Variants in KIF26B observed in about 807,000 individuals in gnomAD.
KIF26B encodes the protein kinesin-like protein KIF26B.
Under a neutral mutation model 151.2 loss-of-function variants are expected in KIF26B, and 63 were observed. The ratio of observed to expected loss-of-function variants is 0.42; its 90% CI spans 0.34 to 0.51. The LOEUF (loss-of-function observed/expected upper bound fraction) is 0.51. Ranked by LOEUF, KIF26B falls within the 20% of genes least tolerant of loss-of-function variation. The pLI is 0.07. For synonymous variants in KIF26B, 1,357 were observed against 1,262.1 expected (o/e 1.08, Z -1.59); for missense variants, 2,813 against 2,913.6 (o/e 0.97, Z 0.79).
chr1:245,558,166 C>T (rs1662081564), intron 5 of KIF26B, among the ~76,000 whole-genome samples: 1 of 152,192 alleles, frequency 6.6e-6, no homozygotes, highest in African/African-American at 2.4e-5. Flanking sequence ...CACGGCCACC[C>T]TGCCTCCATT....
chr1:245,255,403 T>G (rs1670514483), intron 2 of KIF26B, among the ~76,000 whole-genome samples: 1 of 152,180 alleles, frequency 6.6e-6, no homozygotes, highest in South Asian at 2.1e-4. Flanking sequence ...ACATTCCTGT[T>G]GAGATTCCTG....
At position 245,166,679 on chromosome 1, in the gene KIF26B, C is replaced by T. The variant is rs945951; in HGVS notation, c.465+9996C>T. On this transcript the variant is annotated intron_variant, in intron 2 of 14. Coordinates refer to ENST00000407071, the MANE Select transcript of KIF26B (RefSeq NM_018012.4). The surrounding 1 kb of genome is among the most constrained non-coding windows in gnomAD (Gnocchi z 4.5). ...ATCTGAGCCGCACCAGGAATTTGGG[C>T]TTATCTGCCTTCCAATCCAGCTTTA... 0.86 allele frequency among the ~76,000 whole-genome samples: 130,312 copies of T among 152,138 alleles called. 56,712 individuals carry two copies. The highest frequency in any genetic ancestry group is 0.94 in the South Asian group (4,502 of 4,810).
At chr1:245,414,320 A>T (rs72761173) in intron 3 of KIF26B, among the ~76,000 whole-genome samples, 2 of 152,102 alleles carry the variant, frequency 1.3e-5, no homozygotes. Flanking sequence ...CAAGAGGAAA[A>T]GTGCTGTTGA....
intron 3 of KIF26B, among the ~76,000 whole-genome samples, chr1:245,374,739 T>C: frequency 6.6e-6 from 1 of 152,208 alleles, no homozygotes; most frequent in East Asian, 1.9e-4. Flanking sequence ...TGTATCTTTA[T>C]GCTTTTTGAC....
intron 2 of KIF26B, among the ~76,000 whole-genome samples, chr1:245,181,931 A>G (rs1162437072): frequency 6.6e-6 from 1 of 152,194 alleles, no homozygotes; most frequent in Non-Finnish European, 1.5e-5. Flanking sequence ...TTGTTCAGTT[A>G]GGAATCTGAG....
chr1:245,187,039 T>TAGAG (rs993410799), intron 2 of KIF26B, among the ~76,000 whole-genome samples: 5 of 152,114 alleles, frequency 3.3e-5, no homozygotes, highest in Admixed American at 1.3e-4. Flanking sequence ...GTATTTTTAG[T>TAGAG]AGAGACAGGG....
At chr1:245,567,009 C>T (rs6690829) in intron 5 of KIF26B, among the ~76,000 whole-genome samples, 40,112 of 152,092 alleles carry the variant, frequency 0.26, 5,442 homozygotes, top group African/African-American at 0.3. Flanking sequence ...CGGGCTTAAA[C>T]TGCAGAGTGC....
chr1:245,391,757 T>C (rs1313279809), intron 3 of KIF26B, among the ~76,000 whole-genome samples: 1 of 152,020 alleles, frequency 6.6e-6, no homozygotes, highest in African/African-American at 2.4e-5. Flanking sequence ...TTTCATACAA[T>C]ATTTATGCCA....
intron 5 of KIF26B, among the ~76,000 whole-genome samples, chr1:245,573,473 A>T (rs997250824): frequency 3.2e-4 from 49 of 152,296 alleles, no homozygotes; most frequent in Admixed American, 5.9e-4. Context: ...CAGTGACCCA[A>T]GATCGAGCCA....
chr1:245,535,756 C>A (rs1399361388), intron 4 of KIF26B, among the ~76,000 whole-genome samples: 1 of 152,196 alleles, frequency 6.6e-6, no homozygotes, highest in Non-Finnish European at 1.5e-5. Flanking sequence ...TATTCAGATA[C>A]AATACGGTAC....
intron 2 of KIF26B, among the ~76,000 whole-genome samples, chr1:245,275,715 G>A (rs1670925243): frequency 6.6e-6 from 1 of 152,102 alleles, no homozygotes; most frequent in African/African-American, 2.4e-5. Context: ...ATAGTATTCT[G>A]TATTTGTCTA....
chr1:245,609,635 C>T (rs992866182), intron 8 of KIF26B, 107 bp downstream of exon 8: 84 of 1,228,162 alleles, frequency 6.8e-5, no homozygotes, highest in Non-Finnish European at 8.8e-5. Context: ...CAGAGGCTTA[C>T]GGGTGTTTAC....
chr1:245,158,839 TGTG>T (rs1668487946), intron 2 of KIF26B, among the ~76,000 whole-genome samples: 2 of 134,768 alleles, frequency 1.5e-5, no homozygotes, highest in Admixed American at 7.0e-5. Flanking sequence ...GAATAATAAT[TGTG>T]TGTGTGTGTG....
chr1:245,274,848 G>T (rs567657888), intron 2 of KIF26B, among the ~76,000 whole-genome samples: 3 of 152,024 alleles, frequency 2.0e-5, no homozygotes, highest in Non-Finnish European at 2.9e-5. Context: ...CCAGTAAGGG[G>T]ATTGCTGGGT....
chr1:245,242,679 T>C (rs1180391281), intron 2 of KIF26B, among the ~76,000 whole-genome samples: 5 of 151,894 alleles, frequency 3.3e-5, no homozygotes, highest in Admixed American at 6.6e-5. Flanking sequence ...TGAGATGGAA[T>C]CTTGCTCTGT....
At chr1:245,203,001 T>A (rs11581234) in intron 2 of KIF26B, among the ~76,000 whole-genome samples, 78,461 of 150,760 alleles carry the variant, frequency 0.52, 22,155 homozygotes, top group Non-Finnish European at 0.63. Flanking sequence ...ATGCCTGTAA[T>A]CCCAGCACTT....
rs1257558593 is a variant in KIF26B at position 245,698,750 on chromosome 1, T to C, written c.6028-137T>C. The C allele has an allele frequency of 2.6e-5, 27 of 1,027,730 alleles. No individual in the cohort carries two copies. The Admixed American group carries it at 7.3e-4, about 28-fold the overall frequency. 63.7% of individuals were successfully genotyped at this position (1,027,730 alleles called of 1,614,324 possible). A position where few individuals can be genotyped will look rare whatever the true frequency, so the allele number is the denominator to read the frequency against. On this transcript the variant is annotated intron_variant, in intron 13 of 14. Transcript: ENST00000407071. The surrounding 1 kb of genome is among the most constrained non-coding windows in gnomAD (Gnocchi z 4.0). ...GAATTGAGGTCTGTCAAGGGAGAAT[T>C]TGGTGGGGATGACCCATGTCCCTCC...
intron 2 of KIF26B, among the ~76,000 whole-genome samples, chr1:245,300,977 G>A (rs536466262): frequency 1.3e-4 from 19 of 147,596 alleles, no homozygotes; most frequent in Non-Finnish European, 2.1e-4. Flanking sequence ...TTACAGGTGC[G>A]CACCACCACA....
At chr1:245,427,798 C>A (rs896808938) in intron 4 of KIF26B, among the ~76,000 whole-genome samples, 2 of 152,112 alleles carry the variant, frequency 1.3e-5, no homozygotes, top group African/African-American at 4.8e-5. Flanking sequence ...CCCAGTGTAT[C>A]CCCTCGTTCT....
Sources: allele counts gnomAD v4.1 joint callset (sites outside exome capture counted in the v4.1 genomes callset), GRCh38; gene constraint gnomAD v4.1.1; non-coding constraint Gnocchi (gnomAD v3.1); transcripts MANE v1.5; gene names NCBI Gene and HGNC (gene_info 2026-07-23, HGNC 2026-07-21).